Variants in SPATA17 observed in about 807,000 individuals in gnomAD.
SPATA17 encodes the protein spermatogenesis-associated protein 17.
SPATA17 carries 53 observed loss-of-function variants against 62.2 expected under a neutral mutation model. The observed-to-expected ratio is 0.85, with a 90% CI of 0.68 to 1.07. The LOEUF (loss-of-function observed/expected upper bound fraction) is 1.07, where lower values mean the gene tolerates loss of function less well. SPATA17 is among the 50% of genes least tolerant of loss of function. The pLI, the probability that SPATA17 is intolerant of heterozygous loss-of-function variation, is 0.00. For missense variants in SPATA17, 466 were observed against 425.5 expected (o/e 1.10, Z -0.84); for synonymous variants, 146 against 146.8 (o/e 0.99, Z 0.04).
At chr1:217,850,342 A>G (rs535294410) in intron 9 of SPATA17, 5 of 557,402 alleles carry the variant, frequency 9.0e-6, no homozygotes, top group Admixed American at 3.2e-5. Flanking sequence ...AAGTGGGGGC[A>G]GATGGCTATA....
chr1:217,745,298 C>G (rs1034255150), intron 6 of SPATA17, among the ~76,000 whole-genome samples: 1 of 152,042 alleles, frequency 6.6e-6, no homozygotes, highest in African/African-American at 2.4e-5. Flanking sequence ...AAAAGACAAC[C>G]CTTTGAACCT....
At chr1:217,836,552 A>T (rs1032434569) in intron 9 of SPATA17, among the ~76,000 whole-genome samples, 1 of 152,166 alleles carries the variant, frequency 6.6e-6, no homozygotes, top group African/African-American at 2.4e-5. Flanking sequence ...AAGAAAAAGA[A>T]GTACTATGTC....
intron 6 of SPATA17, among the ~76,000 whole-genome samples, chr1:217,748,074 T>C (rs955909182): frequency 6.6e-6 from 1 of 151,342 alleles, no homozygotes; most frequent in East Asian, 2.0e-4. Context: ...GAGGCCGAGG[T>C]GGGCGGATCA....
intron 9 of SPATA17, among the ~76,000 whole-genome samples, chr1:217,805,796 G>A (rs964207292): frequency 1.3e-5 from 2 of 152,194 alleles, no homozygotes; most frequent in Non-Finnish European, 2.9e-5. Context: ...AAGATAACAT[G>A]TATTGGCAAG....
intron 10 of SPATA17, among the ~76,000 whole-genome samples, chr1:217,865,633 A>G (rs1417835554): frequency 6.6e-6 from 1 of 152,198 alleles, no homozygotes; most frequent in African/African-American, 2.4e-5. Context: ...GTGTTTTGCC[A>G]TCCTTTTAGC....
At position 217,757,793 on chromosome 1, in the gene SPATA17, A is replaced by T. The variant is rs17046800; in HGVS notation, c.519+15695A>T. 3.6e-3 allele frequency among the ~76,000 whole-genome samples: 541 copies of T among 152,312 alleles called. 15 individuals are homozygous for T. The East Asian group carries it at 0.06, about 17-fold the overall frequency. On this transcript the variant is annotated intron_variant, in intron 6 of 10. Transcript: ENST00000366933. Reference sequence around the variant, plus strand: ...AAAGGTGAAAGAGGATGCAGTGAAGATCATTACGTTGTAGGCTTAAACAAG... The same window carrying T: ...AAAGGTGAAAGAGGATGCAGTGAAGTTCATTACGTTGTAGGCTTAAACAAG...
chr1:217,785,837 A>T (rs12737620), intron 8 of SPATA17, among the ~76,000 whole-genome samples: 1 of 152,136 alleles, frequency 6.6e-6, no homozygotes, highest in East Asian at 1.9e-4. Flanking sequence ...AGCAAATAGG[A>T]CAATAATAAT....
intron 9 of SPATA17, among the ~76,000 whole-genome samples, chr1:217,827,632 C>A (rs554855519): frequency 2.3e-4 from 35 of 152,204 alleles, no homozygotes; most frequent in Non-Finnish European, 4.0e-4. Flanking sequence ...GGAATCAACC[C>A]AAATGCCCAT....
Position 217,700,679 on chromosome 1 carries a change from C to A in SPATA17, c.395+17318C>A, listed in dbSNP as rs540806503. Among the ~76,000 whole-genome samples the A allele has an allele frequency of 2.0e-5, 3 of 151,696 alleles. No homozygotes were observed. The East Asian group carries it at 5.9e-4, about 30-fold the overall frequency. On this transcript the variant is annotated intron_variant, in intron 5 of 10. Transcript: ENST00000366933. ...TCTGCTCACTGCACCCTCCGCCTCC[C>A]AGGCTCAAGCGAATCTCCTGCCTCA...
intron 5 of SPATA17, among the ~76,000 whole-genome samples, chr1:217,690,971 G>A (rs1359475459): frequency 6.8e-6 from 1 of 147,072 alleles, no homozygotes; most frequent in African/African-American, 2.6e-5. Flanking sequence ...TGTCTTTATA[G>A]CAGCATGATT....
At chr1:217,824,641 A>G (rs1674942389) in intron 9 of SPATA17, among the ~76,000 whole-genome samples, 1 of 151,006 alleles carries the variant, frequency 6.6e-6, no homozygotes, top group South Asian at 2.1e-4. Flanking sequence ...ATGTATTTGT[A>G]TTCATATATT....
intron 9 of SPATA17, among the ~76,000 whole-genome samples, chr1:217,860,936 A>C (rs1170337163): frequency 1.3e-5 from 2 of 152,048 alleles, no homozygotes; most frequent in Non-Finnish European, 2.9e-5. Flanking sequence ...CTAGTTTTAA[A>C]CATTTTATAT....
chr1:217,823,827 C>G lies in SPATA17; in HGVS notation c.1005+21977C>G, dbSNP rs1415693517. On this transcript the variant is annotated intron_variant, in intron 9 of 10. Transcript: ENST00000366933. The stretch of plus-strand genomic sequence containing the variant: ...TGCATATATTTTTTGATGGTCATAT[C>G]ATTTTGCTGAATTAACCCCTTTATC... 2.0e-5 allele frequency among the ~76,000 whole-genome samples: 3 copies of G among 151,922 alleles called. No homozygotes were observed. In the East Asian group the frequency reaches 5.8e-4, roughly 29 times the overall value.
At chr1:217,830,948 A>G (rs1365902309) in intron 9 of SPATA17, among the ~76,000 whole-genome samples, 1 of 152,188 alleles carries the variant, frequency 6.6e-6, no homozygotes, top group African/African-American at 2.4e-5. Flanking sequence ...ATTATAAAGG[A>G]ATAAAAATAG....
intron 9 of SPATA17, among the ~76,000 whole-genome samples, chr1:217,824,293 T>C (rs536011402): frequency 6.6e-6 from 1 of 152,072 alleles, no homozygotes; most frequent in East Asian, 1.9e-4. Flanking sequence ...TTTTAGTATT[T>C]TATGTTGATT....
rs1345538605 is a variant in SPATA17 at position 217,683,321 on chromosome 1, G to T, written c.355G>T (p.Glu119Ter). The T allele has an allele frequency of 2.2e-5, 35 of 1,609,912 alleles. No individual in the cohort carries two copies. The highest frequency in any genetic ancestry group is 3.0e-5 in the Non-Finnish European group (35 of 1,178,162). Residue 119 changes from glutamate (E) to a stop codon, truncating the protein, a stop_gained, in exon 5 of 11, where the codon GAG becomes TAG. Coordinates refer to ENST00000366933, the MANE Select transcript of SPATA17 (RefSeq NM_138796.4). LOFTEE classifies it high-confidence loss of function. ...CCTCTTTAATTATTATTATTTGAAA[G>T]AGTACCTGAAAGTCGTTTCAGAGAC... is the stretch of plus-strand genomic sequence containing the variant. ...KYLFNYYYLKEYLKVVSETND... is the reference protein window; with the variant it reads ...KYLFNYYYLK
At chr1:217,727,669 T>G (rs1200528845) in intron 5 of SPATA17, among the ~76,000 whole-genome samples, 2 of 152,226 alleles carry the variant, frequency 1.3e-5, no homozygotes, top group African/African-American at 4.8e-5. Flanking sequence ...TCATGTTGTA[T>G]AGTAAGTGGA....
At position 217,870,589 on chromosome 1, in the gene SPATA17, A is replaced by G. The variant is rs946821765; in HGVS notation, c.*3570A>G. On this transcript the variant is annotated 3_prime_UTR_variant, in exon 11 of 11. Coordinates refer to ENST00000366933, the MANE Select transcript of SPATA17 (RefSeq NM_138796.4). Reference sequence around the variant, plus strand: ...TATTCTCAATATGAGCCACTTAAGAAAATTAATGAGACTTTATGTTTGACC... The same window carrying G: ...TATTCTCAATATGAGCCACTTAAGAGAATTAATGAGACTTTATGTTTGACC... 2.0e-5 allele frequency: 3 copies of G among 152,214 alleles called. No homozygotes were observed. Among genetic ancestry groups the G allele is most frequent in the African/African-American group, 7.2e-5 (3 of 41,458 alleles). The allele number at this position is 152,214 out of a possible 1,614,324, so 9.4% of individuals were successfully genotyped here.
chr1:217,859,680 A>G (rs1189653771), intron 9 of SPATA17, among the ~76,000 whole-genome samples: 4 of 152,156 alleles, frequency 2.6e-5, no homozygotes, highest in African/African-American at 9.6e-5. Flanking sequence ...GTGCTGGATT[A>G]TAGGCATGAG....
Sources: gnomAD v4.1 joint callset for allele counts (sites outside exome capture counted in the v4.1 genomes callset) on GRCh38, gnomAD v4.1.1 for gene constraint, MANE v1.5 for transcripts, NCBI Gene and HGNC (gene_info 2026-07-23, HGNC 2026-07-21) for gene names.